The following SEMA5A variants were observed in gnomAD, a reference collection of about 807,000 sequenced individuals.
SEMA5A encodes semaphorin 5A, also known as semaphorin-5A.
Under a neutral mutation model 135.5 loss-of-function variants are expected in SEMA5A, and 55 were observed. That is an observed-to-expected ratio of 0.41 (90% CI 0.33 to 0.51). The LOEUF is 0.51. SEMA5A is among the 20% of genes least tolerant of loss of function. The pLI is 0.37. For missense variants in SEMA5A, 1,290 were observed against 1,419.9 expected (o/e 0.91, Z 1.47); for synonymous variants, 580 against 546.5 (o/e 1.06, Z -0.85).
At chr5:9,393,420 A>G (rs768377865) in intron 2 of SEMA5A, among the ~76,000 whole-genome samples, 1 of 152,138 alleles carries the variant, frequency 6.6e-6, no homozygotes, top group African/African-American at 2.4e-5. Flanking sequence ...CCTGCCTCCA[A>G]TGCTAGTTTA....
At chr5:9,199,887 C>T (rs1745610933) in intron 9 of SEMA5A, among the ~76,000 whole-genome samples, 2 of 152,122 alleles carry the variant, frequency 1.3e-5, no homozygotes, top group East Asian at 1.9e-4. Context: ...ACTACACAGT[C>T]GTGCTAGGAA....
chr5:9,480,641 G>GTGCA (rs1759840867), intron 1 of SEMA5A, among the ~76,000 whole-genome samples: 1 of 152,168 alleles, frequency 6.6e-6, no homozygotes, highest in African/African-American at 2.4e-5. Flanking sequence ...GCTGGAGGAT[G>GTGCA]TGCAGTTCAA....
At chr5:9,504,139 CA>C (rs1205261606) in intron 1 of SEMA5A, among the ~76,000 whole-genome samples, 1 of 149,572 alleles carries the variant, frequency 6.7e-6, no homozygotes, top group East Asian at 2.0e-4. Context: ...CGCTTAAACC[CA>C]GGAGGCGGAG....
chr5:9,310,568 T>C (rs1752080053), intron 5 of SEMA5A, among the ~76,000 whole-genome samples: 1 of 151,920 alleles, frequency 6.6e-6, no homozygotes, highest in Admixed American at 6.6e-5. Context: ...GAATATCTCA[T>C]TGGAATAGTT....
intron 16 of SEMA5A, among the ~76,000 whole-genome samples, chr5:9,098,936 T>G (rs1289376831): frequency 6.6e-6 from 1 of 152,196 alleles, no homozygotes; most frequent in Non-Finnish European, 1.5e-5. Context: ...TCAATTAACT[T>G]TGCAATCACT....
intron 11 of SEMA5A, among the ~76,000 whole-genome samples, chr5:9,180,703 G>C (rs1206120026): frequency 6.6e-6 from 1 of 152,032 alleles, no homozygotes; most frequent in African/African-American, 2.4e-5. Flanking sequence ...TGGACAAAGG[G>C]AATGTCAAGT....
intron 6 of SEMA5A, among the ~76,000 whole-genome samples, chr5:9,228,869 T>A (rs1231808631): frequency 1.3e-5 from 2 of 152,236 alleles, no homozygotes; most frequent in Non-Finnish European, 2.9e-5. Context: ...TTCAACCAAA[T>A]GGACCCCCAC....
chr5:9,224,588 A>G, intron 8 of SEMA5A, 86 bp downstream of exon 8: 2 of 1,136,624 alleles, frequency 1.8e-6, no homozygotes, highest in Non-Finnish European at 1.3e-6. Flanking sequence ...ATTTTTATTT[A>G]GAGTGTTGTA....
chr5:9,183,576 A>G (rs2428652), intron 11 of SEMA5A, among the ~76,000 whole-genome samples: 129,038 of 152,220 alleles, frequency 0.85, 54,906 homozygotes, highest in African/African-American at 0.89. Flanking sequence ...GCAAATGGCC[A>G]AGGGTTCAGG....
chr5:9,127,972 C>T (rs1741208434), intron 13 of SEMA5A, among the ~76,000 whole-genome samples: 1 of 152,166 alleles, frequency 6.6e-6, no homozygotes, highest in Admixed American at 6.5e-5. Flanking sequence ...ACTCAGAGTT[C>T]CAGTCCACGT....
chr5:9,074,766 C>T (rs78647030), intron 16 of SEMA5A, among the ~76,000 whole-genome samples: 2,714 of 152,158 alleles, frequency 0.018, 33 homozygotes, highest in Non-Finnish European at 0.027. Flanking sequence ...ACAAGTAAAC[C>T]ACTACACATG....
chr5:9,252,739 C>T (rs1208181085), intron 5 of SEMA5A, among the ~76,000 whole-genome samples: 2 of 152,160 alleles, frequency 1.3e-5, no homozygotes, highest in Non-Finnish European at 2.9e-5. Context: ...TCTAAGATTC[C>T]ATATTCTTCC....
At chr5:9,214,932 G>A (rs1341592418) in intron 8 of SEMA5A, among the ~76,000 whole-genome samples, 5 of 152,214 alleles carry the variant, frequency 3.3e-5, no homozygotes, top group African/African-American at 1.2e-4. Flanking sequence ...TTGACTTGCT[G>A]GATCTTGCAT....
rs779776274 is a variant in SEMA5A at position 9,162,564 on chromosome 5, G to GTATATATA, written c.1274-7877_1274-7870dup. 7.8e-3 allele frequency among the ~76,000 whole-genome samples: 653 copies of GTATATATA among 83,980 alleles called. 29 individuals are homozygous for GTATATATA. In the East Asian group the frequency reaches 0.099, roughly 13 times the overall value. 55.1% of individuals were successfully genotyped at this position (83,980 alleles called of 152,430 possible). A position where few individuals can be genotyped will look rare whatever the true frequency, so the allele number is the denominator to read the frequency against. ...TGTGTGTATATATGTGTGTGTGTGTGTATATATATATATATATATATACAC... is the reference window on the plus strand; with the variant it reads ...TGTGTGTATATATGTGTGTGTGTGTGTATATATATATATATATATATATATATATACAC... On this transcript the variant is annotated intron_variant, in intron 11 of 22. Transcript: ENST00000382496.
intron 8 of SEMA5A, among the ~76,000 whole-genome samples, chr5:9,208,927 C>T (rs1351317801): frequency 6.6e-6 from 1 of 152,128 alleles, no homozygotes; most frequent in Non-Finnish European, 1.5e-5. Context: ...CATTGAGCCC[C>T]TTGACAGAAA....
chr5:9,177,639 T>A (rs1744275750), intron 11 of SEMA5A, among the ~76,000 whole-genome samples: 2 of 152,206 alleles, frequency 1.3e-5, no homozygotes, highest in South Asian at 4.1e-4. Context: ...AAGGCTCATC[T>A]CCATTGTCTC....
intron 18 of SEMA5A, among the ~76,000 whole-genome samples, chr5:9,056,180 G>C (rs553972250): frequency 4.6e-5 from 7 of 152,262 alleles, no homozygotes; most frequent in South Asian, 2.1e-4. Flanking sequence ...CCTCTGTATG[G>C]AATGATAAAC....
At chr5:9,468,296 C>A (rs1489276696) in intron 1 of SEMA5A, among the ~76,000 whole-genome samples, 13 of 152,096 alleles carry the variant, frequency 8.5e-5, no homozygotes, top group Admixed American at 8.5e-4. Context: ...TAGGCAGACG[C>A]CTTCATTACT....
intron 2 of SEMA5A, among the ~76,000 whole-genome samples, chr5:9,387,542 A>C (rs765227656): frequency 2.6e-5 from 4 of 152,202 alleles, no homozygotes; most frequent in Non-Finnish European, 5.9e-5. Context: ...TCATCTTTAA[A>C]GAGGTTCAAG....
Sources: allele counts gnomAD v4.1 joint callset (sites outside exome capture counted in the v4.1 genomes callset), GRCh38; gene constraint gnomAD v4.1.1; transcripts MANE v1.5; gene names NCBI Gene and HGNC (gene_info 2026-07-23, HGNC 2026-07-21).